The following PFKFB2 variants were observed in gnomAD, a reference collection of about 807,000 sequenced individuals.
PFKFB2 encodes the protein 6-phosphofructo-2-kinase/fructose-2,6-bisphosphatase 2.
PFKFB2 carries 53 observed loss-of-function variants against 68.0 expected under a neutral mutation model. The observed-to-expected ratio is 0.78, with a 90% CI of 0.63 to 0.98. PFKFB2 has a LOEUF of 0.98. Among genes scored for constraint, PFKFB2 ranks in the 50% least tolerant of loss-of-function variants. The pLI, the probability that PFKFB2 is intolerant of heterozygous loss-of-function variation, is 0.00. For synonymous variants in PFKFB2, 222 were observed against 227.6 expected (o/e 0.98, Z 0.22); for missense variants, 451 against 642.0 (o/e 0.70, Z 3.22).
chr1:207,043,386 A>T (rs1359664669), intron 2 of PFKFB2, among the ~76,000 whole-genome samples: 1 of 152,206 alleles, frequency 6.6e-6, no homozygotes, highest in Non-Finnish European at 1.5e-5. Context: ...GAATGGGTTA[A>T]ATAGTTTAGT....
chr1:207,062,502 A>T lies in PFKFB2; in HGVS notation c.212-118A>T, dbSNP rs975455082. ...CTTAATCTGATATTGTTCCCAACCTACCATGCTGCCGCTTTTTTCATCCCC... is the reference window on the plus strand; with the variant it reads ...CTTAATCTGATATTGTTCCCAACCTTCCATGCTGCCGCTTTTTTCATCCCC... On this transcript the variant is annotated intron_variant, in intron 3 of 14. Transcript: ENST00000367080. 6.1e-6 allele frequency: 9 copies of T among 1,485,200 alleles called. No homozygotes were observed. In the East Asian group the frequency reaches 1.8e-4, roughly 30 times the overall value. The allele number at this position is 1,485,200 out of a possible 1,614,324, so 92.0% of individuals were successfully genotyped here. A position where few individuals can be genotyped will look rare whatever the true frequency, so the allele number is the denominator to read the frequency against.
chr1:207,066,940 C>T (rs1683306548), intron 8 of PFKFB2, among the ~76,000 whole-genome samples: 1 of 152,210 alleles, frequency 6.6e-6, no homozygotes, highest in Non-Finnish European at 1.5e-5. Flanking sequence ...GCATGAGCTA[C>T]CGCATCCAGC....
chr1:207,077,440 G>A lies in PFKFB2; in HGVS notation c.*5069G>A, dbSNP rs566757777. 2.9e-5 allele frequency: 29 copies of A among 985,156 alleles called. No homozygotes were observed. Among genetic ancestry groups the A allele is most frequent in the African/African-American group, 3.5e-5 (2 of 57,184 alleles). 61.0% of individuals were successfully genotyped at this position (985,156 alleles called of 1,614,324 possible). A position where few individuals can be genotyped will look rare whatever the true frequency, so the allele number is the denominator to read the frequency against. ...TTTTGTATCTGAATTGCTTATGTACGTTTTTTATTATATTGACCTAACAAG... is the reference window on the plus strand; with the variant it reads ...TTTTGTATCTGAATTGCTTATGTACATTTTTTATTATATTGACCTAACAAG... On this transcript the variant is annotated 3_prime_UTR_variant, in exon 15 of 15. Coordinates refer to ENST00000367080, the MANE Select transcript of PFKFB2 (RefSeq NM_006212.2).
chr1:207,076,255 T>C lies in PFKFB2; in HGVS notation c.*3884T>C. The C allele has an allele frequency of 1.1e-5, 8 of 724,028 alleles. No homozygotes were observed. The highest frequency in any genetic ancestry group is 1.4e-5 in the Non-Finnish European group (8 of 592,384). 44.9% of individuals were successfully genotyped at this position (724,028 alleles called of 1,614,324 possible). On this transcript the variant is annotated 3_prime_UTR_variant, in exon 15 of 15. Coordinates refer to ENST00000367080, the MANE Select transcript of PFKFB2 (RefSeq NM_006212.2). ...TCATCTATGTTACTTTTTTTTTCTTTTTTTTTTTTTTTTATGAGCAGGAGA... is the reference window on the plus strand; with the variant it reads ...TCATCTATGTTACTTTTTTTTTCTTCTTTTTTTTTTTTTATGAGCAGGAGA...
intron 2 of PFKFB2, chr1:207,047,297 C>G (rs1297679789): frequency 6.6e-6 from 1 of 152,552 alleles, no homozygotes; most frequent in Non-Finnish European, 1.5e-5. Flanking sequence ...ACAAAAGGTA[C>G]TCAAGAAATG....
chr1:207,068,933 G>T (rs539859962), intron 10 of PFKFB2, among the ~76,000 whole-genome samples: 2 of 152,190 alleles, frequency 1.3e-5, no homozygotes, highest in East Asian at 1.9e-4. Context: ...TTTTAGGGGA[G>T]ATGGGGTTTC....
chr1:207,062,047 C>T lies in PFKFB2; in HGVS notation c.180C>T (p.Arg60=). 1.2e-6 allele frequency: 2 copies of T among 1,613,950 alleles called. No individual in the cohort carries two copies. Among genetic ancestry groups the T allele is most frequent in the South Asian group, 1.1e-5 (1 of 91,078 alleles). The change falls in exon 3 of 15, where the codon CGC becomes CGT. Residue 60 remains arginine, a synonymous_variant. Transcript: ENST00000367080. ...CCTACGTGTCCAAGAAACTAACACG[C>T]TACCTCAACTGGATTGGAGTCCCCA... ...GKTYVSKKLT[R]YLNWIGVPTK...
chr1:207,054,913 A>G (rs1682876072), intron 2 of PFKFB2, 111 bp downstream of exon 2: 4 of 747,740 alleles, frequency 5.3e-6, no homozygotes, highest in Non-Finnish European at 8.9e-6. Context: ...ATTATTTGAC[A>G]TGGAAATTTA....
chr1:207,040,923 A>ATT (rs397862660), intron 1 of PFKFB2, among the ~76,000 whole-genome samples: 5,375 of 117,274 alleles, frequency 0.046, 471 homozygotes, highest in African/African-American at 0.15. Flanking sequence ...TTTAAAACAG[A>ATT]TTTTTTTTTT....
intron 8 of PFKFB2, among the ~76,000 whole-genome samples, chr1:207,066,942 G>A (rs779254964): frequency 1.2e-4 from 18 of 152,128 alleles, no homozygotes; most frequent in African/African-American, 3.9e-4. Context: ...ATGAGCTACC[G>A]CATCCAGCCA....
rs1277158212 is a variant in PFKFB2, at chr1:207,075,618, A to T, written c.*3247A>T. 19 of 985,178 alleles carry T rather than the reference A, an allele frequency of 1.9e-5. No individual in the cohort carries two copies. Among genetic ancestry groups the T allele is most frequent in the African/African-American group, 3.5e-5 (2 of 57,242 alleles). 61.0% of individuals were successfully genotyped at this position (985,178 alleles called of 1,614,324 possible). On this transcript the variant is annotated 3_prime_UTR_variant, in exon 15 of 15. Coordinates refer to ENST00000367080, the MANE Select transcript of PFKFB2 (RefSeq NM_006212.2). ...TGTTTTGTGAGAAATAGGTAAAGAC[A>T]TTAGCATTTAATCTACTGGAATAAG... is the stretch of plus-strand genomic sequence containing the variant.
At chr1:207,079,274 T>C, downstream of PFKFB2, 1 of 559,480 alleles carries the variant, frequency 1.8e-6, no homozygotes, top group Non-Finnish European at 3.2e-6. Flanking sequence ...TTGTCATCTC[T>C]GTGCTGAGTT....
upstream of PFKFB2, chr1:207,049,231 T>A (rs779118246): frequency 1.2e-6 from 2 of 1,614,122 alleles, no homozygotes; most frequent in South Asian, 2.2e-5. Context: ...AGGAGGTGTA[T>A]CTGGATCAGG....
chr1:207,062,999 A>T (rs949652922), intron 4 of PFKFB2, 144 bp from the exon 5 acceptor site: 1 of 748,614 alleles, frequency 1.3e-6, no homozygotes, highest in Admixed American at 2.0e-5. Flanking sequence ...TCAGTGAGAA[A>T]GTTGAAAGAT....
intron 2 of PFKFB2, chr1:207,044,458 T>G (rs1682546197): frequency 6.6e-6 from 1 of 152,570 alleles, no homozygotes; most frequent in Admixed American, 6.5e-5. Context: ...GTTTATAAAG[T>G]AGACTCATGT....
chr1:207,036,303 A>G (rs1204075062), intron 1 of PFKFB2, among the ~76,000 whole-genome samples: 1 of 152,192 alleles, frequency 6.6e-6, no homozygotes, highest in Non-Finnish European at 1.5e-5. Flanking sequence ...GTCACATTTA[A>G]TGGTTGACTC....
intron 10 of PFKFB2, 78 bp downstream of exon 10, chr1:207,068,387 G>T (rs981565777): frequency 3.2e-4 from 400 of 1,257,164 alleles, no homozygotes; most frequent in Admixed American, 6.6e-4. Context: ...TATTTAGACA[G>T]TTTTATCTAG....
chr1:207,062,452 G>A lies in PFKFB2; in HGVS notation c.212-168G>A, dbSNP rs555769922. On this transcript the variant is annotated intron_variant, in intron 3 of 14. Transcript: ENST00000367080. ...GACTTGTCCAAGGTCTAGAAAGTCA[G>A]GGCTTGAACCCAACTCTTTTGACTC... is the stretch of plus-strand genomic sequence containing the variant. 2.1e-4 allele frequency: 223 copies of A among 1,050,842 alleles called. 4 individuals are homozygous for A. In the Middle Eastern group the frequency reaches 2.9e-3, roughly 14 times the overall value. 65.1% of individuals were successfully genotyped at this position (1,050,842 alleles called of 1,614,324 possible). A position where few individuals can be genotyped will look rare whatever the true frequency, so the allele number is the denominator to read the frequency against.
At chr1:207,034,442 T>A (rs1364120208) in exon 1 of PFKFB2, 1 of 152,222 alleles carries the variant, frequency 6.6e-6, no homozygotes, top group Non-Finnish European at 1.5e-5. Context: ...CACCCATGGA[T>A]GAAGTCAATG....
Sources: gnomAD v4.1 joint callset for allele counts (sites outside exome capture counted in the v4.1 genomes callset) on GRCh38, gnomAD v4.1.1 for gene constraint, MANE v1.5 for transcripts, NCBI Gene and HGNC (gene_info 2026-07-23, HGNC 2026-07-21) for gene names.